DPYD: variants seen among roughly 807,000 people sequenced by gnomAD.
DPYD encodes the protein dihydropyrimidine dehydrogenase.
In DPYD, 109 loss-of-function variants were observed where a neutral mutation model predicts 116.2. The ratio of observed to expected loss-of-function variants is 0.94; its 90% CI spans 0.80 to 1.10. The LOEUF (loss-of-function observed/expected upper bound fraction) is 1.10. Ranked by LOEUF, DPYD falls within the 50% of genes least tolerant of loss-of-function variation. The pLI, the probability that DPYD is intolerant of heterozygous loss-of-function variation, is 0.00. For synonymous variants in DPYD, 440 were observed against 432.0 expected (o/e 1.02, Z -0.23); for missense variants, 1,302 against 1,254.5 (o/e 1.04, Z -0.57).
chr1:97,704,094 A>C (rs888553339), intron 5 of DPYD, among the ~76,000 whole-genome samples: 1 of 152,216 alleles, frequency 6.6e-6, no homozygotes, highest in South Asian at 2.1e-4. Context: ...TGAAGGCATA[A>C]GTGGCCCTCT....
At chr1:97,915,880 C>T (rs1021476905) in intron 1 of DPYD, among the ~76,000 whole-genome samples, 8 of 152,070 alleles carry the variant, frequency 5.3e-5, no homozygotes, top group Non-Finnish European at 7.4e-5. Context: ...ATCAGATTTT[C>T]TTTGTCATGA....
chr1:97,458,565 G>C (rs1469312910), intron 13 of DPYD, among the ~76,000 whole-genome samples: 1 of 152,160 alleles, frequency 6.6e-6, no homozygotes, highest in African/African-American at 2.4e-5. Context: ...TATAAACTGA[G>C]TTACAAACAT....
At chr1:97,128,209 T>C (rs956320416) in intron 20 of DPYD, among the ~76,000 whole-genome samples, 1 of 152,206 alleles carries the variant, frequency 6.6e-6, no homozygotes, top group Non-Finnish European at 1.5e-5. Flanking sequence ...CAATAAGTTT[T>C]CTCACCCCAA....
chr1:97,491,129 A>G (rs1181388313), intron 13 of DPYD, among the ~76,000 whole-genome samples: 1 of 147,830 alleles, frequency 6.8e-6, no homozygotes, highest in Non-Finnish European at 1.5e-5. Context: ...ACCTAATGAT[A>G]TATTATTTCA....
At chr1:97,341,938 T>G (rs1669606786) in intron 16 of DPYD, among the ~76,000 whole-genome samples, 1 of 152,178 alleles carries the variant, frequency 6.6e-6, no homozygotes, top group African/African-American at 2.4e-5. Flanking sequence ...AATAGGAGAT[T>G]TGTTTTCAGG....
At position 97,204,046 on chromosome 1, in the gene DPYD, A is replaced by G. The variant is rs140286011; in HGVS notation, c.2443-10798T>C. Among the ~76,000 whole-genome samples the G allele has an allele frequency of 8.5e-5, 13 of 152,212 alleles. No individual in the cohort carries two copies. In the East Asian group the frequency reaches 2.5e-3, roughly 29 times the overall value. The stretch of plus-strand genomic sequence containing the variant: ...GGACACAAAAGTTAAAGTTCAGTTG[A>G]TTAAGAGTGAATAAACTATGTAAGA... On this transcript the variant is annotated intron_variant, in intron 19 of 22. Transcript: ENST00000370192.
intron 2 of DPYD, among the ~76,000 whole-genome samples, chr1:97,842,506 C>A (rs1276266856): frequency 6.6e-6 from 1 of 151,842 alleles, no homozygotes; most frequent in African/African-American, 2.4e-5. Context: ...TTGAGTAATC[C>A]AAATATTTCA....
At chr1:97,275,857 C>T (rs957995461) in intron 18 of DPYD, among the ~76,000 whole-genome samples, 2 of 152,174 alleles carry the variant, frequency 1.3e-5, no homozygotes, top group African/African-American at 4.8e-5. Context: ...ATAGCTATCT[C>T]ACTGCACATG....
intron 20 of DPYD, among the ~76,000 whole-genome samples, chr1:97,167,297 G>A (rs557816747): frequency 1.3e-5 from 2 of 151,992 alleles, no homozygotes; most frequent in Non-Finnish European, 2.9e-5. Flanking sequence ...TAGTGTGCTG[G>A]CATTAGATTT....
intron 11 of DPYD, among the ~76,000 whole-genome samples, chr1:97,568,043 G>A (rs1465751221): frequency 1.3e-5 from 2 of 151,898 alleles, no homozygotes; most frequent in Non-Finnish European, 1.5e-5. Flanking sequence ...TCGATGGCAT[G>A]AAAAACATTA....
intron 3 of DPYD, among the ~76,000 whole-genome samples, chr1:97,813,958 CT>C (rs1668455913): frequency 6.9e-6 from 1 of 145,244 alleles, no homozygotes; most frequent in Non-Finnish European, 1.5e-5. Context: ...ACACACACCC[CT>C]AAAATTTTCT....
At chr1:97,900,589 G>A (rs1327853800) in intron 1 of DPYD, among the ~76,000 whole-genome samples, 1 of 151,810 alleles carries the variant, frequency 6.6e-6, no homozygotes, top group East Asian at 1.9e-4. Context: ...TCATTTCAAA[G>A]AATGATCAAT....
chr1:97,909,950 CTTTT>C (rs1041755786), intron 1 of DPYD, among the ~76,000 whole-genome samples: 26 of 152,000 alleles, frequency 1.7e-4, no homozygotes, highest in African/African-American at 5.6e-4. Context: ...ACACCTCTTA[CTTTT>C]TTTGTTTACC....
intron 18 of DPYD, among the ~76,000 whole-genome samples, chr1:97,279,493 ATTTGTTTGTTTG>A (rs111937508): frequency 2.7e-5 from 4 of 150,938 alleles, no homozygotes; most frequent in African/African-American, 9.7e-5. Flanking sequence ...GGAGACAGAG[ATTTGTTTGTTTG>A]TTTGTTTGTT....
intron 5 of DPYD, among the ~76,000 whole-genome samples, chr1:97,709,350 T>C (rs1231691327): frequency 6.6e-6 from 1 of 151,918 alleles, no homozygotes; most frequent in Non-Finnish European, 1.5e-5. Context: ...TGAATATCCT[T>C]TTTTAAATTT....
At chr1:97,180,116 C>CTT (rs760459514) in intron 20 of DPYD, among the ~76,000 whole-genome samples, 2 of 147,830 alleles carry the variant, frequency 1.4e-5, no homozygotes, top group South Asian at 2.1e-4. Context: ...TTTTGTTTGA[C>CTT]TTTTTTTTTT....
In DPYD at chr1:97,641,239, C is replaced by A. The variant is rs115695061; in HGVS notation, c.850+37856G>T. Among the ~76,000 whole-genome samples, 78 of 152,170 alleles carry A rather than the reference C, an allele frequency of 5.1e-4. 1 individual carries two copies. The highest frequency in any genetic ancestry group is 5.7e-4 in the Non-Finnish European group (39 of 67,998). On this transcript the variant is annotated intron_variant, in intron 8 of 22. Transcript: ENST00000370192. ...ATCCACCCAGATATTGTACACAGTG[C>A]GTAGTGGGCAATTTGGCTGAAATCT...
intron 13 of DPYD, 36 bp downstream of exon 13, chr1:97,515,690 A>C: frequency 1.0e-5 from 16 of 1,570,586 alleles, no homozygotes; most frequent in African/African-American, 1.4e-5. Context: ...AATATATGAT[A>C]GACATTTCTA....
chr1:97,705,387 GT>G (rs1206351463), intron 5 of DPYD, among the ~76,000 whole-genome samples: 2 of 151,860 alleles, frequency 1.3e-5, no homozygotes, highest in Non-Finnish European at 2.9e-5. Flanking sequence ...GCAGTGTTTG[GT>G]TTTTTTGTCC....
Sources: allele counts gnomAD v4.1 joint callset (sites outside exome capture counted in the v4.1 genomes callset), GRCh38; gene constraint gnomAD v4.1.1; transcripts MANE v1.5; gene names NCBI Gene and HGNC (gene_info 2026-07-23, HGNC 2026-07-21).